Variants in GALR1 observed in about 807,000 individuals in gnomAD.
GALR1 encodes the protein galanin receptor 1, also known as galanin receptor type 1.
GALR1 carries 11 observed loss-of-function variants against 17.9 expected under a neutral mutation model. That is an observed-to-expected ratio of 0.62 (90% CI 0.39 to 1.02). The LOEUF (loss-of-function observed/expected upper bound fraction) is 1.02, where lower values mean the gene tolerates loss of function less well. Among genes scored for constraint, GALR1 ranks in the 50% least tolerant of loss-of-function variants. GALR1 has a pLI of 0.01. For missense variants in GALR1, 441 were observed against 456.9 expected (o/e 0.97, Z 0.32); for synonymous variants, 206 against 205.7 (o/e 1.00, Z -0.01).
At chr18:77,252,989 TCACCACCACCACCACCACCACCAC>T (rs1912497112) in intron 1 of GALR1, among the ~76,000 whole-genome samples, 5 of 25,006 alleles carry the variant, frequency 2.0e-4, no homozygotes, top group African/African-American at 2.7e-4. Context: ...ATCACCACCA[TCACCACCACCACCACCACCACCAC>T]CACCACCACC....
At chr18:77,256,314 T>C (rs1912587171) in intron 2 of GALR1, 91 bp downstream of exon 2, 1 of 740,344 alleles carries the variant, frequency 1.4e-6, no homozygotes, top group Middle Eastern at 3.8e-4. Context: ...ATCCAAAGCC[T>C]GTAACATTTA....
chr18:77,257,714 C>T (rs1417503172), intron 2 of GALR1, among the ~76,000 whole-genome samples: 1 of 152,022 alleles, frequency 6.6e-6, no homozygotes, highest in Non-Finnish European at 1.5e-5. Context: ...AGGACCAAGC[C>T]GATCCAGGGG....
intron 2 of GALR1, among the ~76,000 whole-genome samples, chr18:77,267,168 G>T (rs1443718637): frequency 6.6e-6 from 1 of 152,334 alleles, no homozygotes; most frequent in Non-Finnish European, 1.5e-5. Context: ...GTCCCTTCAC[G>T]CCAGGGAACT....
chr18:77,270,667 T>C lies in GALR1; in HGVS notation c.*1765T>C, dbSNP rs1422886494. 3 of 152,152 alleles carry C rather than the reference T, an allele frequency of 2.0e-5. No homozygotes were observed. Among genetic ancestry groups the C allele is most frequent in the African/African-American group, 7.2e-5 (3 of 41,420 alleles). The allele number at this position is 152,152 out of a possible 1,614,324, so 9.4% of individuals were successfully genotyped here. A position where few individuals can be genotyped will look rare whatever the true frequency, so the allele number is the denominator to read the frequency against. The stretch of plus-strand genomic sequence containing the variant: ...TGGCATGCTAATTTTTTTAGCTCAT[T>C]CACTTACTTTCACTAATCATATTTC... On this transcript the variant is annotated 3_prime_UTR_variant, in exon 3 of 3. Coordinates refer to ENST00000299727, the MANE Select transcript of GALR1 (RefSeq NM_001480.4).
chr18:77,269,059 C>T lies in GALR1; in HGVS notation c.*157C>T. ...CACGTGTGTTAAAAAGTACTTTGAT[C>T]CATTTAGGAAATTCCTAGGTCTAGT... On this transcript the variant is annotated 3_prime_UTR_variant, in exon 3 of 3. Transcript: ENST00000299727. The T allele has an allele frequency of 1.6e-6, 1 of 618,702 alleles. No homozygotes were observed. Among genetic ancestry groups the T allele is most frequent in the Non-Finnish European group, 2.8e-6 (1 of 355,502 alleles). The allele number at this position is 618,702 out of a possible 1,614,324, so 38.3% of individuals were successfully genotyped here.
chr18:77,259,857 G>A (rs1912790053), intron 2 of GALR1, among the ~76,000 whole-genome samples: 1 of 151,898 alleles, frequency 6.6e-6, no homozygotes, highest in Non-Finnish European at 1.5e-5. Flanking sequence ...GGTGAGACAG[G>A]GGAGACTCGG....
intron 2 of GALR1, among the ~76,000 whole-genome samples, chr18:77,259,981 A>G (rs1437182127): frequency 3.3e-5 from 5 of 152,078 alleles, no homozygotes; most frequent in Non-Finnish European, 5.9e-5. Context: ...ACACGTGTTC[A>G]TCATTTGATT....
Position 77,276,848 on chromosome 18 carries a change from T to C in GALR1, c.*7946T>C, listed in dbSNP as rs916635384. On this transcript the variant is annotated 3_prime_UTR_variant, in exon 3 of 3. Transcript: ENST00000299727. ...TATTACATTACCCTAGCTACAGAAATTTGTAAGTTTTCAAAAGCATGAAGG... is the reference window on the plus strand; with the variant it reads ...TATTACATTACCCTAGCTACAGAAACTTGTAAGTTTTCAAAAGCATGAAGG... 1 of 152,190 alleles carries C rather than the reference T, an allele frequency of 6.6e-6. No homozygotes were observed. The highest frequency in any genetic ancestry group is 2.4e-5 in the African/African-American group (1 of 41,452). 9.4% of individuals were successfully genotyped at this position (152,190 alleles called of 1,614,324 possible). A position where few individuals can be genotyped will look rare whatever the true frequency, so the allele number is the denominator to read the frequency against.
chr18:77,269,093 T>C lies in GALR1; in HGVS notation c.*191T>C, dbSNP rs529584345. ...AAATTCCTAGGTCTAGTGAGAATTA[T>C]TTTTCAATTTTATTTTAGTTCTAAA... On this transcript the variant is annotated 3_prime_UTR_variant, in exon 3 of 3. Coordinates refer to ENST00000299727, the MANE Select transcript of GALR1 (RefSeq NM_001480.4). 8.8e-6 allele frequency: 5 copies of C among 566,678 alleles called. No individual in the cohort carries two copies. In the East Asian group the frequency reaches 1.5e-4, roughly 17 times the overall value. The allele number at this position is 566,678 out of a possible 1,614,324, so 35.1% of individuals were successfully genotyped here. A position where few individuals can be genotyped will look rare whatever the true frequency, so the allele number is the denominator to read the frequency against.
rs1344168042 is a variant in GALR1 at position 77,270,809 on chromosome 18, T to G, written c.*1907T>G. ...GTTTGTTGACTAGAAGAAGAAATTGTGTTTATGTGTAAGTGAGGGTCTTAA... is the reference window on the plus strand; with the variant it reads ...GTTTGTTGACTAGAAGAAGAAATTGGGTTTATGTGTAAGTGAGGGTCTTAA... On this transcript the variant is annotated 3_prime_UTR_variant, in exon 3 of 3. Transcript: ENST00000299727. The G allele has an allele frequency of 6.6e-6, 1 of 152,160 alleles. No individual in the cohort carries two copies. Among genetic ancestry groups the G allele is most frequent in the African/African-American group, 2.4e-5 (1 of 41,432 alleles). 9.4% of individuals were successfully genotyped at this position (152,160 alleles called of 1,614,324 possible). A position where few individuals can be genotyped will look rare whatever the true frequency, so the allele number is the denominator to read the frequency against.
chr18:77,276,706 T>C lies in GALR1; in HGVS notation c.*7804T>C, dbSNP rs1229513942. The C allele has an allele frequency of 6.6e-6, 1 of 152,236 alleles. No individual in the cohort carries two copies. Among genetic ancestry groups the C allele is most frequent in the Non-Finnish European group, 1.5e-5 (1 of 68,044 alleles). 9.4% of individuals were successfully genotyped at this position (152,236 alleles called of 1,614,324 possible). A position where few individuals can be genotyped will look rare whatever the true frequency, so the allele number is the denominator to read the frequency against. On this transcript the variant is annotated 3_prime_UTR_variant, in exon 3 of 3. Transcript: ENST00000299727. Reference sequence around the variant, plus strand: ...CAGATAACCAATCAAATTGAGCAGATGGTCTTTTAAAGTCTAAGCTTCTAT... The same window carrying C: ...CAGATAACCAATCAAATTGAGCAGACGGTCTTTTAAAGTCTAAGCTTCTAT...
At position 77,268,760 on chromosome 18, in the gene GALR1, A is replaced by T; in HGVS notation, c.908A>T (p.Tyr303Phe). The change falls in exon 3 of 3, where the codon TAT becomes TTT. Residue 303 changes from tyrosine (Y) to phenylalanine (F), a missense_variant. Physicochemically the swap from Tyr to Phe is conservative, Grantham distance 22 (BLOSUM62 3). Coordinates refer to ENST00000299727, the MANE Select transcript of GALR1 (RefSeq NM_001480.4). ...AATTCCTCCGTGAATCCTATCATTT[A>T]TGCATTTCTCTCTGAAAATTTCAGG... is the stretch of plus-strand genomic sequence containing the variant. ...YSNSSVNPII[Y>F]AFLSENFRKA... 6.2e-7 allele frequency: 1 copy of T among 1,614,174 alleles called. No individual in the cohort carries two copies. Among genetic ancestry groups the T allele is most frequent in the Non-Finnish European group, 8.5e-7 (1 of 1,180,028 alleles).
chr18:77,254,279 G>A (rs183490485), intron 1 of GALR1, among the ~76,000 whole-genome samples: 3 of 152,276 alleles, frequency 2.0e-5, no homozygotes, highest in Non-Finnish European at 4.4e-5. Flanking sequence ...GAGACCTTCA[G>A]TGGGGTGCAT....
chr18:77,259,441 A>ACGG (rs1288552921), intron 2 of GALR1, among the ~76,000 whole-genome samples: 3 of 135,402 alleles, frequency 2.2e-5, no homozygotes, highest in South Asian at 2.5e-4. Context: ...GGTGGTGATG[A>ACGG]TGGTGATCAT....
intron 2 of GALR1, among the ~76,000 whole-genome samples, chr18:77,263,185 T>A (rs927973946): frequency 2.0e-5 from 3 of 152,250 alleles, no homozygotes; most frequent in Non-Finnish European, 4.4e-5. Flanking sequence ...TTTGTAGGTA[T>A]AATTATATCT....
rs141065471 is a variant in GALR1, at chr18:77,250,996, C to G, written c.448C>G (p.Arg150Gly). Reference sequence around the variant, plus strand: ...GCGCTCCTCCTCCCTCAGGGTGTCCCGCAACGCGCTGCTGGGCGTGGGCTG... The same window carrying G: ...GCGCTCCTCCTCCCTCAGGGTGTCCGGCAACGCGCTGCTGGGCGTGGGCTG... ...SRRSSSLRVSRNALLGVGCIW... is the reference protein window; with the variant it reads ...SRRSSSLRVSGNALLGVGCIW... Residue 150 changes from arginine to glycine, a missense_variant, in exon 1 of 3, where the codon CGC (arginine) becomes GGC (glycine). Transcript: ENST00000299727. 212 of 1,604,640 alleles carry G rather than the reference C, an allele frequency of 1.3e-4. No individual in the cohort carries two copies. Among genetic ancestry groups the G allele is most frequent in the African/African-American group, 2.1e-4 (16 of 75,056 alleles).
In GALR1 at chr18:77,270,725, A is replaced by G. The variant is rs1228025495; in HGVS notation, c.*1823A>G. The G allele has an allele frequency of 6.6e-6, 1 of 152,214 alleles. No individual in the cohort carries two copies. The highest frequency in any genetic ancestry group is 1.5e-5 in the Non-Finnish European group (1 of 68,038). 9.4% of individuals were successfully genotyped at this position (152,214 alleles called of 1,614,324 possible). ...AGTGTTTACATTTGCAATGTTATTA[A>G]TAACTCTCTGGATAAAAGGAAAGAA... On this transcript the variant is annotated 3_prime_UTR_variant, in exon 3 of 3. Transcript: ENST00000299727.
At chr18:77,264,370 T>C (rs1340888063) in intron 2 of GALR1, among the ~76,000 whole-genome samples, 1 of 152,132 alleles carries the variant, frequency 6.6e-6, no homozygotes, top group African/African-American at 2.4e-5. Context: ...TGTGAAGTTA[T>C]AAGAAAAATA....
intron 2 of GALR1, among the ~76,000 whole-genome samples, chr18:77,265,040 C>T (rs1337044189): frequency 6.6e-6 from 1 of 152,128 alleles, no homozygotes; most frequent in Non-Finnish European, 1.5e-5. Flanking sequence ...TTCCAGCATT[C>T]CCCCAAAATC....
Sources: gnomAD v4.1 joint callset for allele counts (sites outside exome capture counted in the v4.1 genomes callset) on GRCh38, gnomAD v4.1.1 for gene constraint, MANE v1.5 for transcripts, NCBI Gene and HGNC (gene_info 2026-07-23, HGNC 2026-07-21) for gene names.